The following NAALADL2 variants were observed in gnomAD, a reference collection of about 807,000 sequenced individuals.
NAALADL2 encodes N-acetylated alpha-linked acidic dipeptidase like 2, also known as inactive N-acetylated-alpha-linked acidic dipeptidase-like protein 2.
In NAALADL2, 76 loss-of-function variants were observed where a neutral mutation model predicts 87.2. That is an observed-to-expected ratio of 0.87 (90% CI 0.72 to 1.05). The LOEUF (loss-of-function observed/expected upper bound fraction) is 1.05, where lower values mean the gene tolerates loss of function less well. NAALADL2 is among the 50% of genes least tolerant of loss of function. The probability of loss-of-function intolerance (pLI) is 0.00; values close to 1 mark genes in which losing one functional copy is unlikely to be tolerated. For synonymous variants in NAALADL2, 354 were observed against 331.0 expected, an observed-to-expected ratio of 1.07 and a Z score of -0.75; for missense variants, 1,089 against 945.8, an observed-to-expected ratio of 1.15 and a Z score of -1.99.
intron 11 of NAALADL2, among the ~76,000 whole-genome samples, chr3:175,730,429 T>TATAGATATATATATATATATATATATAG (rs1561048902): frequency 1.1e-5 from 1 of 87,862 alleles, no homozygotes; most frequent in Non-Finnish European, 2.5e-5. Context: ...TATATATATA[T>TATAGATATATATATATATATATATATAG]ATATATATAT....
chr3:175,369,393 A>T (rs1766146725), intron 5 of NAALADL2: 1 of 150,410 alleles, frequency 6.6e-6, no homozygotes, highest in Non-Finnish European at 1.5e-5. Context: ...GCATGTATAC[A>T]TATATAGGTA....
intron 5 of NAALADL2, among the ~76,000 whole-genome samples, chr3:175,341,347 T>A (rs1436839857): frequency 6.6e-6 from 1 of 152,204 alleles, no homozygotes; most frequent in African/African-American, 2.4e-5. Context: ...TTTCTTTGCA[T>A]GGCTGAATAC....
intron 13 of NAALADL2, among the ~76,000 whole-genome samples, chr3:175,761,637 A>T (rs1748025021): frequency 6.6e-6 from 1 of 152,130 alleles, no homozygotes. Flanking sequence ...TGAAACTTTC[A>T]GTTGCTCCAC....
chr3:175,342,490 A>G (rs1158587872), intron 5 of NAALADL2, among the ~76,000 whole-genome samples: 2 of 146,638 alleles, frequency 1.4e-5, no homozygotes, highest in African/African-American at 5.4e-5. Context: ...CCCTCCTGGC[A>G]TTTGCCAAAT....
At chr3:174,622,533 C>T (rs980276745) in intron 2 of NAALADL2, among the ~76,000 whole-genome samples, 2 of 152,136 alleles carry the variant, frequency 1.3e-5, no homozygotes, top group African/African-American at 4.8e-5. Flanking sequence ...TTGAATCCCT[C>T]CAAATTTCAC....
chr3:175,409,842 C>A (rs555291745), intron 5 of NAALADL2, among the ~76,000 whole-genome samples: 2 of 151,906 alleles, frequency 1.3e-5, no homozygotes, highest in African/African-American at 4.8e-5. Context: ...GTTAATATAA[C>A]CTTTATCAGG....
chr3:175,584,520 A>G (rs1720265872), intron 10 of NAALADL2, among the ~76,000 whole-genome samples: 2 of 152,212 alleles, frequency 1.3e-5, no homozygotes, highest in East Asian at 3.9e-4. Context: ...AAAATGATGT[A>G]TAGTCATGTG....
intron 1 of NAALADL2, among the ~76,000 whole-genome samples, chr3:174,538,570 T>C (rs576027052): frequency 1.3e-5 from 2 of 152,276 alleles, no homozygotes; most frequent in South Asian, 4.1e-4. Flanking sequence ...AAAAAAGACC[T>C]TCCCTTTCTA....
At chr3:175,231,758 A>T (rs1744969609) in intron 2 of NAALADL2, among the ~76,000 whole-genome samples, 1 of 152,122 alleles carries the variant, frequency 6.6e-6, no homozygotes, top group Admixed American at 6.6e-5. Flanking sequence ...TGTTACTGAT[A>T]TATTGCTATG....
chr3:175,090,092 A>G (rs1719796469), intron 1 of NAALADL2, among the ~76,000 whole-genome samples: 1 of 152,164 alleles, frequency 6.6e-6, no homozygotes, highest in Non-Finnish European at 1.5e-5. Context: ...AAATACTTCT[A>G]GAAACAAGCA....
At chr3:175,329,535 A>G (rs983051402) in intron 5 of NAALADL2, among the ~76,000 whole-genome samples, 1 of 152,230 alleles carries the variant, frequency 6.6e-6, no homozygotes, top group African/African-American at 2.4e-5. Context: ...ATGTTGAACC[A>G]TTCCCTGACT....
At chr3:174,792,856 C>A (rs557063227) in intron 3 of NAALADL2, among the ~76,000 whole-genome samples, 1 of 152,060 alleles carries the variant, frequency 6.6e-6, no homozygotes, top group African/African-American at 2.4e-5. Context: ...TTTTGAGATA[C>A]CTTTCTTAAA....
chr3:175,252,208 C>A (rs1415259697), intron 3 of NAALADL2, among the ~76,000 whole-genome samples: 1 of 152,180 alleles, frequency 6.6e-6, no homozygotes. Flanking sequence ...GTCACGGCAA[C>A]CCTGCATTTA....
At chr3:174,554,390 A>G (rs1712497324) in intron 2 of NAALADL2, among the ~76,000 whole-genome samples, 1 of 152,034 alleles carries the variant, frequency 6.6e-6, no homozygotes, top group South Asian at 2.1e-4. Flanking sequence ...CAATTTATCT[A>G]AGTGCTTATT....
chr3:174,931,794 C>T lies in NAALADL2; in HGVS notation c.43+72344C>T, dbSNP rs544389511. Among the ~76,000 whole-genome samples the T allele has an allele frequency of 2.0e-4, 30 of 152,210 alleles. No homozygotes were observed. The Middle Eastern group carries it at 0.014, about 69-fold the overall frequency. On this transcript the variant is annotated intron_variant, in intron 1 of 13. Coordinates refer to ENST00000454872, the MANE Select transcript of NAALADL2 (RefSeq NM_207015.3). Reference sequence around the variant, plus strand: ...TTTGGTGAAAAAAGAGGTATGAAAACCAGGTTGACTAGATCCTATGGTGTG... The same window carrying T: ...TTTGGTGAAAAAAGAGGTATGAAAATCAGGTTGACTAGATCCTATGGTGTG...
At chr3:175,548,482 C>T (rs1173747203) in intron 9 of NAALADL2, among the ~76,000 whole-genome samples, 1 of 151,970 alleles carries the variant, frequency 6.6e-6, no homozygotes, top group Non-Finnish European at 1.5e-5. Flanking sequence ...GAAAAATAAT[C>T]TGTACAGCAA....
chr3:175,280,679 T>C (rs1006728897), intron 4 of NAALADL2, among the ~76,000 whole-genome samples: 1 of 152,092 alleles, frequency 6.6e-6, no homozygotes, highest in Admixed American at 6.5e-5. Context: ...TTTTCTTTCC[T>C]GTTCCTGATA....
chr3:175,314,666 CTATATATATA>C (rs60572633), intron 4 of NAALADL2, among the ~76,000 whole-genome samples: 376 of 30,618 alleles, frequency 0.012, 1 homozygote, highest in Non-Finnish European at 0.015. Context: ...ATAGTTCTAA[CTATATATATA>C]TATATATATA....
At chr3:175,689,032 C>T (rs375014336) in intron 11 of NAALADL2, among the ~76,000 whole-genome samples, 60 of 152,132 alleles carry the variant, frequency 3.9e-4, no homozygotes, top group African/African-American at 7.9e-4. Flanking sequence ...AAACATCACA[C>T]GTAGTTTTTT....
Sources: allele counts gnomAD v4.1 joint callset (sites outside exome capture counted in the v4.1 genomes callset), GRCh38; gene constraint gnomAD v4.1.1; transcripts MANE v1.5; gene names NCBI Gene and HGNC (gene_info 2026-07-23, HGNC 2026-07-21).